Variants in MAPK8 observed in about 807,000 individuals in gnomAD.
The protein encoded by MAPK8 is JUN N-terminal kinase.
A neutral mutation model predicts 52.9 loss-of-function variants in MAPK8; 13 were observed. The observed-to-expected ratio is 0.25, with a 90% CI of 0.16 to 0.39. MAPK8 has a LOEUF of 0.39. Among genes scored for constraint, MAPK8 ranks in the 10% least tolerant of loss-of-function variants. The probability of loss-of-function intolerance (pLI) is 1.00; values close to 1 mark genes in which losing one functional copy is unlikely to be tolerated. For synonymous variants in MAPK8, 191 were observed against 169.8 expected, an observed-to-expected ratio of 1.12 and a Z score of -0.97; for missense variants, 300 against 519.2, an observed-to-expected ratio of 0.58 and a Z score of 4.10.
chr10:48,321,155 T>A (rs1315641285), intron 1 of MAPK8, among the ~76,000 whole-genome samples: 1 of 146,718 alleles, frequency 6.8e-6, no homozygotes, highest in Non-Finnish European at 1.5e-5. Flanking sequence ...TGGAGTGCAG[T>A]GATGCAACCT....
chr10:48,425,833 G>GTA lies in MAPK8; in HGVS notation c.689-55_689-54insTA. Reference sequence around the variant, plus strand: ...TTCTATTTTCTTGTAATATGAATATGACTAATGTATTGAACATTAGTTATG... The same window carrying GTA: ...TTCTATTTTCTTGTAATATGAATATGTAACTAATGTATTGAACATTAGTTATG... On this transcript the variant is annotated intron_variant, in intron 7 of 11. Coordinates refer to ENST00000374189, the MANE Select transcript of MAPK8 (RefSeq NM_001323329.2). 31 of 815,128 alleles carry GTA rather than the reference G, an allele frequency of 3.8e-5. 1 individual carries two copies. The South Asian group carries it at 4.9e-4, about 13-fold the overall frequency. The allele number at this position is 815,128 out of a possible 1,614,324, so 50.5% of individuals were successfully genotyped here. A position where few individuals can be genotyped will look rare whatever the true frequency, so the allele number is the denominator to read the frequency against.
rs73293531 is a variant in MAPK8 at position 48,434,183 on chromosome 10, A to T, written c.1139-701A>T. Among the ~76,000 whole-genome samples the T allele has an allele frequency of 3.5e-3, 531 of 152,298 alleles. 5 individuals carry two copies. Among genetic ancestry groups the T allele is most frequent in the African/African-American group, 0.012 (518 of 41,554 alleles). The stretch of plus-strand genomic sequence containing the variant: ...GCAAAGGAAACTGTTTGCTCTTACT[A>T]TATTTAATAAATCCATATTTCTGCT... On this transcript the variant is annotated intron_variant, in intron 11 of 11. Coordinates refer to ENST00000374189, the MANE Select transcript of MAPK8 (RefSeq NM_001323329.2).
chr10:48,382,978 T>C (rs1300942823), intron 1 of MAPK8, among the ~76,000 whole-genome samples: 4 of 148,966 alleles, frequency 2.7e-5, no homozygotes, highest in African/African-American at 9.8e-5. Flanking sequence ...AGCCTGAATG[T>C]CAGCTTTTAA....
chr10:48,419,248 T>C lies in MAPK8; in HGVS notation c.451-907T>C, dbSNP rs73309935. 3.5e-3 allele frequency among the ~76,000 whole-genome samples: 533 copies of C among 152,330 alleles called. 5 individuals carry two copies. The highest frequency in any genetic ancestry group is 0.013 in the African/African-American group (520 of 41,576). ...TAATAGTTGTCTTTCAAGCAGGCTA[T>C]TTTCCTTTTTTGTATTAATCGGTGA... On this transcript the variant is annotated intron_variant, in intron 5 of 11. Coordinates refer to ENST00000374189, the MANE Select transcript of MAPK8 (RefSeq NM_001323329.2).
intron 1 of MAPK8, among the ~76,000 whole-genome samples, chr10:48,349,592 A>G (rs964260181): frequency 5.3e-5 from 8 of 152,262 alleles, no homozygotes; most frequent in African/African-American, 1.9e-4. Flanking sequence ...GACACAATGT[A>G]TCAGAATCTC....
At chr10:48,345,256 T>C (rs1241123249) in intron 1 of MAPK8, among the ~76,000 whole-genome samples, 1 of 152,214 alleles carries the variant, frequency 6.6e-6, no homozygotes, top group Admixed American at 6.5e-5. Context: ...GACCCAATAC[T>C]TCTGTGAATT....
chr10:48,390,227 C>T (rs1052645779), intron 1 of MAPK8, among the ~76,000 whole-genome samples: 3 of 152,154 alleles, frequency 2.0e-5, no homozygotes, highest in African/African-American at 7.2e-5. Flanking sequence ...GAGGCCCACC[C>T]ACATCACAGA....
chr10:48,353,930 G>T (rs942947873), intron 1 of MAPK8, among the ~76,000 whole-genome samples: 1 of 152,136 alleles, frequency 6.6e-6, no homozygotes, highest in African/African-American at 2.4e-5. Context: ...TCTTTGTGGC[G>T]ATGGAACAGT....
Position 48,435,043 on chromosome 10 carries a change from C to CG in MAPK8, c.*20dup. On this transcript the variant is annotated 3_prime_UTR_variant, in exon 12 of 12. Coordinates refer to ENST00000374189, the MANE Select transcript of MAPK8 (RefSeq NM_001323329.2). Reference sequence around the variant, plus strand: ...TGCTGTAGATGACTACTTGGGCCATCGGGGGGTGGGAGGGATGGGGAGTCG... The same window carrying CG: ...TGCTGTAGATGACTACTTGGGCCATCGGGGGGGTGGGAGGGATGGGGAGTCG... The CG allele has an allele frequency of 4.0e-5, 10 of 248,656 alleles. No individual in the cohort carries two copies. The highest frequency in any genetic ancestry group is 6.9e-5 in the Non-Finnish European group (9 of 131,294). The allele number at this position is 248,656 out of a possible 1,614,324, so 15.4% of individuals were successfully genotyped here.
At position 48,404,909 on chromosome 10, in the gene MAPK8, A is replaced by C. The variant is rs139947100; in HGVS notation, c.180A>C (p.Pro60=). 6.2e-7 allele frequency: 1 copy of C among 1,610,968 alleles called. No individual in the cohort carries two copies. Among genetic ancestry groups the C allele is most frequent in the Non-Finnish European group, 8.5e-7 (1 of 1,177,790 alleles). The change falls in exon 3 of 12, where the codon CCA becomes CCC. Residue 60 remains proline, a synonymous_variant. Coordinates refer to ENST00000374189, the MANE Select transcript of MAPK8 (RefSeq NM_001323329.2). ...RNVAIKKLSR[P]FQNQTHAKRA... The stretch of plus-strand genomic sequence containing the variant: ...TTGCAATCAAGAAGCTAAGCCGACC[A>C]TTTCAGAATCAGACTCATGCCAAGC...
At chr10:48,322,905 G>T (rs1320239625) in intron 1 of MAPK8, among the ~76,000 whole-genome samples, 1 of 152,134 alleles carries the variant, frequency 6.6e-6, no homozygotes, top group South Asian at 2.1e-4. Flanking sequence ...TTTTTCTGGG[G>T]ACTTGGGCAG....
intron 5 of MAPK8, among the ~76,000 whole-genome samples, chr10:48,413,861 T>TATATATATA (rs2042916865): frequency 1.8e-5 from 1 of 54,556 alleles, no homozygotes; most frequent in Non-Finnish European, 4.0e-5. Context: ...ATATATATAT[T>TATATATATA]CAGAAATATT....
chr10:48,342,236 TGGGACTACA>T (rs1188053669), intron 1 of MAPK8, among the ~76,000 whole-genome samples: 1 of 152,134 alleles, frequency 6.6e-6, no homozygotes, highest in Admixed American at 6.5e-5. Flanking sequence ...CCCAAGTATC[TGGGACTACA>T]GGCACACACC....
intron 1 of MAPK8, among the ~76,000 whole-genome samples, chr10:48,397,290 A>G (rs2041935471): frequency 6.6e-6 from 1 of 151,952 alleles, no homozygotes; most frequent in Admixed American, 6.6e-5. Context: ...CTAGGACTAT[A>G]GATGTGCACT....
chr10:48,421,794 ACT>A (rs1201794858), intron 6 of MAPK8, among the ~76,000 whole-genome samples: 1 of 151,978 alleles, frequency 6.6e-6, no homozygotes, highest in African/African-American at 2.4e-5. Flanking sequence ...ACAAAGCAAG[ACT>A]CTGTCTCAAA....
chr10:48,415,644 G>GT (rs1015711867), intron 5 of MAPK8, among the ~76,000 whole-genome samples: 50 of 152,154 alleles, frequency 3.3e-4, no homozygotes, highest in African/African-American at 1.2e-3. Flanking sequence ...TAAAACAAGG[G>GT]TAACTCTATT....
intron 1 of MAPK8, among the ~76,000 whole-genome samples, chr10:48,398,624 A>T (rs1221325090): frequency 6.6e-6 from 1 of 152,240 alleles, no homozygotes; most frequent in African/African-American, 2.4e-5. Flanking sequence ...TCATACCAGC[A>T]TCATTTATAA....
intron 1 of MAPK8, among the ~76,000 whole-genome samples, chr10:48,347,111 CAG>C (rs1845865565): frequency 6.6e-6 from 1 of 152,120 alleles, no homozygotes; most frequent in African/African-American, 2.4e-5. Flanking sequence ...TTGCCGCACA[CAG>C]GGAGGGACCC....
At chr10:48,401,527 T>A in intron 1 of MAPK8, 85 bp from the exon 2 acceptor site, 1 of 778,228 alleles carries the variant, frequency 1.3e-6, no homozygotes, top group Non-Finnish European at 2.1e-6. Flanking sequence ...TCTGTGTTAC[T>A]ATCAGTACGT....
Sources: gnomAD v4.1 joint callset for allele counts (sites outside exome capture counted in the v4.1 genomes callset) on GRCh38, gnomAD v4.1.1 for gene constraint, MANE v1.5 for transcripts, NCBI Gene and HGNC (gene_info 2026-07-23, HGNC 2026-07-21) for gene names.